Variants in KRT73 observed in about 807,000 individuals in gnomAD.
KRT73 encodes the protein keratin, type II cytoskeletal 73.
A neutral mutation model predicts 47.2 loss-of-function variants in KRT73; 44 were observed. The ratio of observed to expected loss-of-function variants is 0.93; its 90% CI spans 0.73 to 1.20. The LOEUF (loss-of-function observed/expected upper bound fraction) is 1.20, where lower values mean the gene tolerates loss of function less well. Ranked by LOEUF, KRT73 falls within the 50% of genes most tolerant of loss-of-function variation. The pLI is 0.00. For missense variants in KRT73, 713 were observed against 704.5 expected, an observed-to-expected ratio of 1.01 and a Z score of -0.14; for synonymous variants, 285 against 291.3, an observed-to-expected ratio of 0.98 and a Z score of 0.22.
chr12:52,625,828 C>T, the KRT73 span, among the ~76,000 whole-genome samples: 1 of 151,354 alleles, frequency 6.6e-6, no homozygotes, highest in Admixed American at 6.6e-5. Context: ...ATGCAATGAC[C>T]CATGTGAATC....
the KRT73 span, among the ~76,000 whole-genome samples, chr12:52,627,348 A>T: frequency 4.6e-5 from 7 of 152,344 alleles, no homozygotes; most frequent in Admixed American, 2.0e-4. Flanking sequence ...AATCTGGCAC[A>T]TAAATGGTTG....
chr12:52,627,255 G>C, the KRT73 span, among the ~76,000 whole-genome samples: 1 of 152,200 alleles, frequency 6.6e-6, no homozygotes, highest in Admixed American at 6.5e-5. Context: ...GATAGCATCT[G>C]TCTCACTATA....
At chr12:52,622,897 G>A (rs1018957141), upstream of KRT73, among the ~76,000 whole-genome samples, 10 of 152,192 alleles carry the variant, frequency 6.6e-5, no homozygotes, top group Non-Finnish European at 1.3e-4. Context: ...TGAACTGGAA[G>A]AGAGGACAAT....
At chr12:52,614,535 C>T in intron 4 of KRT73, 44 bp downstream of exon 4, 1 of 1,530,486 alleles carries the variant, frequency 6.5e-7, no homozygotes, top group Non-Finnish European at 9.0e-7. Flanking sequence ...ACATATCTGT[C>T]CTTCCAGAAG....
the KRT73 span, among the ~76,000 whole-genome samples, chr12:52,627,100 A>G: frequency 6.6e-6 from 1 of 152,212 alleles, no homozygotes; most frequent in Non-Finnish European, 1.5e-5. Context: ...CACAGTAGAT[A>G]CAGCACCTCT....
rs550957709 is a variant in KRT73, at chr12:52,610,818, C to G, written c.1128G>C (p.Thr376=). 6.5e-4 allele frequency: 1,041 copies of G among 1,612,600 alleles called. 20 individuals carry two copies. In the South Asian group the frequency reaches 0.011, roughly 17 times the overall value. ...CCCGCTGCTCGGCGTCAGCGATGGC[C>G]GTCTCCAGGTTGGCACACTGGGGTC... ...SVKKQCANLE[T]AIADAEQRGD... is the part of the protein sequence containing the mutation. The change falls in exon 7 of 9, where the codon ACG becomes ACC. Residue 376 remains threonine, a synonymous_variant. Transcript: ENST00000305748.
At chr12:52,626,910 G>T in the KRT73 span, among the ~76,000 whole-genome samples, 1 of 152,162 alleles carries the variant, frequency 6.6e-6, no homozygotes, top group Non-Finnish European at 1.5e-5. Flanking sequence ...GAACAAGGTG[G>T]CCACTCTACC....
Position 52,611,079 on chromosome 12 carries a change from G to C in KRT73, c.1110+125C>G, listed in dbSNP as rs578025552. ...GATGGGAGCTAAGGGTGAGGGATGA[G>C]AGCAGGACCTCCATTTGAAGAAGGG... On this transcript the variant is annotated intron_variant, in intron 6 of 8. Coordinates refer to ENST00000305748, the MANE Select transcript of KRT73 (RefSeq NM_175068.3). 112 of 1,256,974 alleles carry C rather than the reference G, an allele frequency of 8.9e-5. 1 individual carries two copies. In the African/African-American group the frequency reaches 1.5e-3, roughly 17 times the overall value. The allele number at this position is 1,256,974 out of a possible 1,614,324, so 77.9% of individuals were successfully genotyped here.
chr12:52,620,105 T>C (rs868801820), upstream of KRT73, among the ~76,000 whole-genome samples: 2 of 132,436 alleles, frequency 1.5e-5, no homozygotes, highest in African/African-American at 6.2e-5. Flanking sequence ...CTATTCCTTT[T>C]TTTCTTTTTT....
intron 4 of KRT73, chr12:52,614,099 G>A (rs1035394305): frequency 2.2e-6 from 1 of 459,190 alleles, no homozygotes; most frequent in Non-Finnish European, 3.8e-6. Flanking sequence ...CAGGACAGGA[G>A]TGGGGAAGGT....
At chr12:52,614,086 A>T (rs1047510518) in intron 4 of KRT73, 6 of 499,792 alleles carry the variant, frequency 1.2e-5, no homozygotes, top group African/African-American at 5.8e-5. Context: ...CTGTCCCCTG[A>T]GACAGGACAG....
intron 1 of KRT73, among the ~76,000 whole-genome samples, chr12:52,617,179 C>T (rs1474011691): frequency 2.0e-5 from 3 of 152,180 alleles, no homozygotes; most frequent in Non-Finnish European, 4.4e-5. Context: ...TTTTCCCCAC[C>T]TCCATCTGAA....
At chr12:52,611,081 G>A (rs1160872122) in intron 6 of KRT73, 123 bp downstream of exon 6, 2 of 1,269,430 alleles carry the variant, frequency 1.6e-6, no homozygotes, top group Non-Finnish European at 2.2e-6. Context: ...AGGGATGAGA[G>A]CAGGACCTCC....
chr12:52,617,833 G>A (rs989351574), intron 1 of KRT73, among the ~76,000 whole-genome samples: 9 of 152,140 alleles, frequency 5.9e-5, no homozygotes, highest in Admixed American at 1.3e-4. Flanking sequence ...TCCTGCCTTC[G>A]TCTGCTTCAG....
At chr12:52,628,075 G>T in the KRT73 span, among the ~76,000 whole-genome samples, 1 of 90,234 alleles carries the variant, frequency 1.1e-5, no homozygotes, top group African/African-American at 4.9e-5. Flanking sequence ...GGTAAGGTGG[G>T]AGTGGGCAAC....
chr12:52,612,077 T>C (rs965714049), intron 5 of KRT73, among the ~76,000 whole-genome samples: 1 of 152,186 alleles, frequency 6.6e-6, no homozygotes. Context: ...TAGTTGGTGC[T>C]CAAAAAAAGT....
upstream of KRT73, among the ~76,000 whole-genome samples, chr12:52,620,744 G>C (rs1003973013): frequency 1.3e-5 from 2 of 152,080 alleles, no homozygotes; most frequent in African/African-American, 4.8e-5. Context: ...TGCCACAGAG[G>C]CACTTCCGGA....
upstream of KRT73, among the ~76,000 whole-genome samples, chr12:52,620,597 C>G (rs574685476): frequency 4.0e-4 from 61 of 152,150 alleles, no homozygotes; most frequent in Non-Finnish European, 7.9e-4. Flanking sequence ...GTCACAGGCC[C>G]TGAGATAACC....
In KRT73 at chr12:52,618,086, T is replaced by G. The variant is rs1395414167; in HGVS notation, c.439A>C (p.Ile147Leu). Reference protein sequence around the residue: ...KVLNNKFASFIDKVRFLEQQN... With the variant: ...KVLNNKFASFLDKVRFLEQQN... ...TCTCCAGAAAGACCCACCTTGTCAA[T>G]GAAGGAGGCGAACTTGTTGTTCAGC... The change falls in exon 1 of 9, where the codon ATT becomes CTT. Residue 147 changes from isoleucine to leucine, a missense_variant. Transcript: ENST00000305748. 6.2e-7 allele frequency: 1 copy of G among 1,613,596 alleles called. No homozygotes were observed. The highest frequency in any genetic ancestry group is 8.5e-7 in the Non-Finnish European group (1 of 1,179,852).
Sources: allele counts gnomAD v4.1 joint callset (sites outside exome capture counted in the v4.1 genomes callset), GRCh38; gene constraint gnomAD v4.1.1; transcripts MANE v1.5; gene names NCBI Gene and HGNC (gene_info 2026-07-23, HGNC 2026-07-21).